The following PCDHGA10 variants were observed in gnomAD, a reference collection of about 807,000 sequenced individuals.
PCDHGA10 encodes the protein protocadherin gamma-A10.
PCDHGA10 carries 42 observed loss-of-function variants against 59.5 expected under a neutral mutation model. The ratio of observed to expected loss-of-function variants is 0.71; its 90% confidence interval spans 0.55 to 0.91. The LOEUF (loss-of-function observed/expected upper bound fraction) is 0.91. PCDHGA10 is among the 40% of genes least tolerant of loss of function. PCDHGA10 has a pLI of 0.00. For synonymous variants in PCDHGA10, 511 were observed against 517.2 expected (o/e 0.99, Z 0.16); for missense variants, 1,111 against 1,198.2 (o/e 0.93, Z 1.07).
intron 1 of PCDHGA10, among the ~76,000 whole-genome samples, chr5:141,468,952 G>GT (rs34870721): frequency 0.24 from 35,946 of 151,248 alleles, 4,442 homozygotes; most frequent in Admixed American, 0.32. Flanking sequence ...TAAACCTGTG[G>GT]TTTTTTTTAC....
Position 141,511,606 on chromosome 5 carries a change from G to A in PCDHGA10, c.*433G>A, listed in dbSNP as rs1160129762. The stretch of plus-strand genomic sequence containing the variant: ...TGTTGAAGTACCAAGTAACCTACAA[G>A]CCTCCTAGTTCTGAAAAGTTGGAAG... On this transcript the variant is annotated 3_prime_UTR_variant, in exon 4 of 4. Transcript: ENST00000398610. 2 of 248,594 alleles carry A rather than the reference G, an allele frequency of 8.0e-6. No individual in the cohort carries two copies. Among genetic ancestry groups the A allele is most frequent in the Non-Finnish European group, 1.6e-5 (2 of 123,946 alleles). 15.4% of individuals were successfully genotyped at this position (248,594 alleles called of 1,614,324 possible). A position where few individuals can be genotyped will look rare whatever the true frequency, so the allele number is the denominator to read the frequency against.
At position 141,413,716 on chromosome 5, in the gene PCDHGA10, C is replaced by T; in HGVS notation, c.541C>T (p.His181Tyr). ...GAGCTATCAGCTCAGCCCCAATAAG[C>T]ACTTCTCCCTAAGAGTTCAGAGCCG... ...LQSYQLSPNK[H>Y]FSLRVQSRAN... The change falls in exon 1 of 4, where the codon CAC becomes TAC. Residue 181 changes from histidine (H) to tyrosine (Y), a missense_variant. Transcript: ENST00000398610. The T allele has an allele frequency of 1.2e-6, 2 of 1,613,608 alleles. No homozygotes were observed. Among genetic ancestry groups the T allele is most frequent in the Non-Finnish European group, 1.7e-6 (2 of 1,179,878 alleles).
At chr5:141,418,577 C>T (rs1173424447) in intron 1 of PCDHGA10, 2 of 1,614,038 alleles carry the variant, frequency 1.2e-6, no homozygotes, top group South Asian at 1.1e-5. Context: ...TGACAACCCC[C>T]CAGTGTTCAG....
chr5:141,492,719 C>A (rs1367632029), intron 1 of PCDHGA10, among the ~76,000 whole-genome samples: 1 of 152,280 alleles, frequency 6.6e-6, no homozygotes, highest in Non-Finnish European at 1.5e-5. Context: ...AGCAGGCGGA[C>A]AGGCAGAGCT....
At chr5:141,498,971 G>A (rs866066098) in intron 2 of PCDHGA10, among the ~76,000 whole-genome samples, 16 of 111,052 alleles carry the variant, frequency 1.4e-4, no homozygotes, top group African/African-American at 2.5e-4. Context: ...GAGGGAGGGA[G>A]GGAAGGAAGG....
intron 1 of PCDHGA10, among the ~76,000 whole-genome samples, chr5:141,420,624 CTCAA>C (rs1561789527): frequency 1.3e-5 from 2 of 152,278 alleles, no homozygotes; most frequent in Admixed American, 1.3e-4. Context: ...TCTTCATTTA[CTCAA>C]TAAAGGAACC....
intron 1 of PCDHGA10, chr5:141,419,140 G>A (rs1359933027): frequency 1.2e-6 from 2 of 1,613,750 alleles, no homozygotes; most frequent in East Asian, 2.2e-5. Flanking sequence ...CCACAGACAG[G>A]GGCAAGCCTC....
intron 2 of PCDHGA10, among the ~76,000 whole-genome samples, chr5:141,499,670 C>T (rs1477227784): frequency 6.6e-6 from 1 of 151,412 alleles, no homozygotes; most frequent in African/African-American, 2.4e-5. Flanking sequence ...TCTTGGTCTC[C>T]ACCATCTTTA....
chr5:141,476,864 C>T lies in PCDHGA10; in HGVS notation c.2437-17943C>T, dbSNP rs1318457627. ...GCCTGTCTTCAACCAGTCCTTGTAC[C>T]GGGCGCGCGTCCTGGAGGATGCACC... is the stretch of plus-strand genomic sequence containing the variant. On this transcript the variant is annotated intron_variant, in intron 1 of 3. Coordinates refer to ENST00000398610, the MANE Select transcript of PCDHGA10 (RefSeq NM_018913.3). This position sits in a 1 kb window ranked among gnomAD's most constrained non-coding sequence, Gnocchi z 7.6. 4.3e-6 allele frequency: 7 copies of T among 1,613,838 alleles called. No homozygotes were observed. Among genetic ancestry groups the T allele is most frequent in the Non-Finnish European group, 5.9e-6 (7 of 1,180,044 alleles).
At chr5:141,447,390 G>A (rs1048677634) in intron 1 of PCDHGA10, among the ~76,000 whole-genome samples, 4 of 151,976 alleles carry the variant, frequency 2.6e-5, no homozygotes, top group Admixed American at 6.6e-5. Flanking sequence ...TGCCCACCTC[G>A]GCCTCCCAAA....
At chr5:141,424,120 C>A in intron 1 of PCDHGA10, 2 of 650,838 alleles carry the variant, frequency 3.1e-6, no homozygotes, top group Non-Finnish European at 3.9e-6. Context: ...AAATTTTGAT[C>A]CTGTTGATTT....
chr5:141,441,737 C>T lies in PCDHGA10; in HGVS notation c.2436+26126C>T, dbSNP rs2098268916. 5 of 365,122 alleles carry T rather than the reference C, an allele frequency of 1.4e-5. 1 individual carries two copies. The highest frequency in any genetic ancestry group is 1.1e-4 in the South Asian group (5 of 46,286). 22.6% of individuals were successfully genotyped at this position (365,122 alleles called of 1,614,324 possible). ...TGCAGGCCCGCGACCAGGACTAGCT[C>T]GCGCTCGGCGTCAACGTGAGCCTGC... On this transcript the variant is annotated intron_variant, in intron 1 of 3. Transcript: ENST00000398610.
At chr5:141,462,152 G>C (rs1336635196) in intron 1 of PCDHGA10, among the ~76,000 whole-genome samples, 6 of 152,034 alleles carry the variant, frequency 3.9e-5, no homozygotes, top group African/African-American at 7.2e-5. Flanking sequence ...TAGAGATGGG[G>C]TTTCATCATG....
intron 1 of PCDHGA10, chr5:141,417,918 T>C (rs1371704441): frequency 1.2e-6 from 2 of 1,605,528 alleles, no homozygotes; most frequent in Non-Finnish European, 8.5e-7. Context: ...CTATTTCCTT[T>C]GCTGCTGCCT....
Position 141,432,097 on chromosome 5 carries a change from C to A in PCDHGA10, c.2436+16486C>A. The A allele has an allele frequency of 1.9e-6, 3 of 1,614,184 alleles. No individual in the cohort carries two copies. Among genetic ancestry groups the A allele is most frequent in the Non-Finnish European group, 1.7e-6 (2 of 1,180,034 alleles). On this transcript the variant is annotated intron_variant, in intron 1 of 3. Transcript: ENST00000398610. This position sits in a 1 kb window ranked among gnomAD's most constrained non-coding sequence, Gnocchi z 6.0. ...TCTCGCTGAACGTGGCAGACACCAA[C>A]GACAACCCGCCGGTCTTCCCTCAGG...
At chr5:141,478,108 G>A (rs1160328367) in intron 1 of PCDHGA10, 1 of 1,614,046 alleles carries the variant, frequency 6.2e-7, no homozygotes, top group Admixed American at 1.7e-5. Flanking sequence ...CCCTCACTGT[G>A]TCAGTAACCG....
In PCDHGA10 at chr5:141,489,153, G is replaced by A; in HGVS notation, c.2437-5654G>A. The A allele has an allele frequency of 1.1e-6, 1 of 935,832 alleles. No homozygotes were observed. The highest frequency in any genetic ancestry group is 1.6e-6 in the Non-Finnish European group (1 of 627,178). 58.0% of individuals were successfully genotyped at this position (935,832 alleles called of 1,614,324 possible). A position where few individuals can be genotyped will look rare whatever the true frequency, so the allele number is the denominator to read the frequency against. ...TTTAAGAGGCTGGAAGGAGACATAA[G>A]AGACTTCAGCTGCTGCATTCCAAGC... On this transcript the variant is annotated intron_variant, in intron 1 of 3. Coordinates refer to ENST00000398610, the MANE Select transcript of PCDHGA10 (RefSeq NM_018913.3). This position sits in a 1 kb window ranked among gnomAD's most constrained non-coding sequence, Gnocchi z 4.5.
chr5:141,465,490 G>A (rs917234604), intron 1 of PCDHGA10, among the ~76,000 whole-genome samples: 9 of 152,170 alleles, frequency 5.9e-5, no homozygotes, highest in East Asian at 1.9e-4. Flanking sequence ...AGGAATGAGC[G>A]GGAGCATTGT....
intron 1 of PCDHGA10, among the ~76,000 whole-genome samples, chr5:141,445,924 A>G (rs1451439271): frequency 6.6e-6 from 1 of 152,184 alleles, no homozygotes; most frequent in Non-Finnish European, 1.5e-5. Flanking sequence ...GTGACAAGAT[A>G]TTTGAATTAT....
Sources: gnomAD v4.1 joint callset for allele counts (sites outside exome capture counted in the v4.1 genomes callset) on GRCh38, gnomAD v4.1.1 for gene constraint, Gnocchi (gnomAD v3.1) non-coding constraint, MANE v1.5 for transcripts, NCBI Gene and HGNC (gene_info 2026-07-23, HGNC 2026-07-21) for gene names.